RFC3: variants seen among roughly 807,000 people sequenced by gnomAD.
The protein encoded by RFC3 is replication factor C subunit 3, also known as A1 38 kDa subunit.
Under a neutral mutation model 45.1 loss-of-function variants are expected in RFC3, and 41 were observed. The ratio of observed to expected loss-of-function variants is 0.91; its 90% confidence interval spans 0.71 to 1.18. The LOEUF is 1.18. RFC3 is among the 50% of genes most tolerant of loss of function. The probability of loss-of-function intolerance (pLI) is 0.00; values close to 1 mark genes in which losing one functional copy is unlikely to be tolerated. For synonymous variants in RFC3, 149 were observed against 144.0 expected, an observed-to-expected ratio of 1.03 and a Z score of -0.25; for missense variants, 423 against 428.1, an observed-to-expected ratio of 0.99 and a Z score of 0.10.
chr13:33,895,510 T>A, intron 8 of RFC3, among the ~76,000 whole-genome samples: 1 of 152,108 alleles, frequency 6.6e-6, no homozygotes, highest in Non-Finnish European at 1.5e-5. Flanking sequence ...ATGGATGTGG[T>A]AAAAAGGGAA....
intron 8 of RFC3, among the ~76,000 whole-genome samples, chr13:33,945,869 G>A (rs773778932): frequency 3.9e-5 from 6 of 152,148 alleles, no homozygotes; most frequent in African/African-American, 1.4e-4. Context: ...CCTTTCTAAG[G>A]CGGGACATCT....
At chr13:33,875,109 T>C (rs958165450) in intron 8 of RFC3, among the ~76,000 whole-genome samples, 1 of 152,260 alleles carries the variant, frequency 6.6e-6, no homozygotes, top group Non-Finnish European at 1.5e-5. Context: ...CAAATAATTA[T>C]TGAGCACCTA....
intron 8 of RFC3, among the ~76,000 whole-genome samples, chr13:33,876,569 G>A (rs1394742460): frequency 1.3e-5 from 2 of 152,090 alleles, no homozygotes; most frequent in South Asian, 4.1e-4. Context: ...AGAAAACTGA[G>A]CCATAGATAG....
chr13:33,921,734 G>A (rs1207330168), intron 8 of RFC3, among the ~76,000 whole-genome samples: 1 of 151,978 alleles, frequency 6.6e-6, no homozygotes, highest in Non-Finnish European at 1.5e-5. Flanking sequence ...ACACCCTCTG[G>A]GGTTTCTTTG....
At chr13:33,879,879 C>A (rs529437637) in intron 8 of RFC3, among the ~76,000 whole-genome samples, 1 of 152,210 alleles carries the variant, frequency 6.6e-6, no homozygotes, top group Non-Finnish European at 1.5e-5. Flanking sequence ...TTCCCAGCTT[C>A]CAGAGATGGC....
chr13:33,941,714 A>G (rs1374699736), intron 8 of RFC3, among the ~76,000 whole-genome samples: 1 of 151,914 alleles, frequency 6.6e-6, no homozygotes, highest in Non-Finnish European at 1.5e-5. Context: ...TATGTGACTA[A>G]GTGTAGATTT....
chr13:33,895,914 A>G (rs1447808515), intron 8 of RFC3, among the ~76,000 whole-genome samples: 1 of 152,152 alleles, frequency 6.6e-6, no homozygotes, highest in Non-Finnish European at 1.5e-5. Flanking sequence ...GGAATGGAAA[A>G]CCAAATACCA....
chr13:33,869,596 C>G (rs1262627731), intron 8 of RFC3, among the ~76,000 whole-genome samples: 1 of 152,210 alleles, frequency 6.6e-6, no homozygotes, highest in Non-Finnish European at 1.5e-5. Flanking sequence ...GTTCTCCCTT[C>G]TGTCTCACCT....
intron 2 of RFC3, among the ~76,000 whole-genome samples, chr13:33,821,574 C>G (rs1030115747): frequency 6.6e-6 from 1 of 152,144 alleles, no homozygotes; most frequent in African/African-American, 2.4e-5. Context: ...GGTTTCCAGA[C>G]TTCATTTTTC....
chr13:33,946,118 G>T (rs1353675756), intron 8 of RFC3, among the ~76,000 whole-genome samples: 4 of 152,202 alleles, frequency 2.6e-5, no homozygotes, highest in African/African-American at 9.7e-5. Context: ...GCCAATAGGA[G>T]AATCCCTGTC....
intron 8 of RFC3, among the ~76,000 whole-genome samples, chr13:33,887,446 T>G (rs1233059603): frequency 6.6e-6 from 1 of 152,182 alleles, no homozygotes; most frequent in Non-Finnish European, 1.5e-5. Context: ...TTGAGAAGTG[T>G]CTGTTCATGT....
chr13:33,852,106 A>G (rs1339184197), intron 8 of RFC3, among the ~76,000 whole-genome samples: 1 of 152,228 alleles, frequency 6.6e-6, no homozygotes, highest in African/African-American at 2.4e-5. Context: ...AGTTACTTTC[A>G]ATATAAAAAG....
intron 8 of RFC3, among the ~76,000 whole-genome samples, chr13:33,907,379 A>G (rs2082678150): frequency 6.6e-6 from 1 of 152,120 alleles, no homozygotes; most frequent in South Asian, 2.1e-4. Flanking sequence ...ATCCTAGAAC[A>G]TATTTTATTA....
chr13:33,897,024 G>A (rs1020482021), intron 8 of RFC3, among the ~76,000 whole-genome samples: 2 of 151,836 alleles, frequency 1.3e-5, no homozygotes, highest in African/African-American at 2.4e-5. Flanking sequence ...AAAAATTAAT[G>A]TACAAAAAGA....
intron 7 of RFC3, 88 bp from the exon 8 acceptor site, chr13:33,835,060 A>G: frequency 1.3e-6 from 1 of 746,854 alleles, no homozygotes; most frequent in Non-Finnish European, 2.3e-6. Flanking sequence ...ATTGTTTGTT[A>G]ATTCATAAAG....
chr13:33,931,636 T>G (rs2082852926), intron 8 of RFC3, among the ~76,000 whole-genome samples: 1 of 112,882 alleles, frequency 8.9e-6, no homozygotes, highest in African/African-American at 4.7e-5. Context: ...AATGACTGCC[T>G]TAGAAGTTGT....
At chr13:33,960,640 A>T (rs1270687193) in intron 8 of RFC3, among the ~76,000 whole-genome samples, 2 of 149,240 alleles carry the variant, frequency 1.3e-5, no homozygotes, top group Non-Finnish European at 3.0e-5. Flanking sequence ...AACTGTCAGG[A>T]CCTCACTGGA....
intron 8 of RFC3, among the ~76,000 whole-genome samples, chr13:33,900,358 G>A (rs1389274581): frequency 6.6e-6 from 1 of 151,758 alleles, no homozygotes; most frequent in African/African-American, 2.4e-5. Flanking sequence ...AGAGTAGAGA[G>A]CCCAGACATA....
intron 8 of RFC3, among the ~76,000 whole-genome samples, chr13:33,883,913 G>T (rs770231622): frequency 6.6e-6 from 1 of 151,802 alleles, no homozygotes; most frequent in Non-Finnish European, 1.5e-5. Context: ...TAACAAACCC[G>T]CACTTGTACC....
Sources: gnomAD v4.1 joint callset for allele counts (sites outside exome capture counted in the v4.1 genomes callset) on GRCh38, gnomAD v4.1.1 for gene constraint, MANE v1.5 for transcripts, NCBI Gene and HGNC (gene_info 2026-07-23, HGNC 2026-07-21) for gene names.